The following NOTCH2NLC variants were observed in gnomAD, a reference collection of about 807,000 sequenced individuals.
NOTCH2NLC encodes notch homolog 2 N-terminal-like protein C.
In NOTCH2NLC, 4 loss-of-function variants were observed where a neutral mutation model predicts 17.7. The ratio of observed to expected loss-of-function variants is 0.23; its 90% CI spans 0.11 to 0.52. The LOEUF is 0.52. Ranked by LOEUF, NOTCH2NLC falls within the 20% of genes least tolerant of loss-of-function variation. The pLI is 0.96. For missense variants in NOTCH2NLC, 57 were observed against 207.2 expected (o/e 0.28, Z 4.45); for synonymous variants, 18 against 86.0 (o/e 0.21, Z 4.38).
chr1:149,393,069 CAAAAAAAAAAAAA>C lies in NOTCH2NLC; in HGVS notation c.135+2160_135+2172del, dbSNP rs1158506660. Among the ~76,000 whole-genome samples, 3 of 43,072 alleles carry C rather than the reference CAAAAAAAAAAAAA, an allele frequency of 7.0e-5. 1 individual carries two copies. Among genetic ancestry groups the C allele is most frequent in the Non-Finnish European group, 1.1e-4 (2 of 18,642 alleles). 28.3% of individuals were successfully genotyped at this position (43,072 alleles called of 152,430 possible). A position where few individuals can be genotyped will look rare whatever the true frequency, so the allele number is the denominator to read the frequency against. ...TGGGCGACAGAGCGAGACTCCGTCT[CAAAAAAAAAAAAA>C]AAAAAAAAAAAAGTATTAAATAATA... On this transcript the variant is annotated intron_variant, in intron 1 of 4. Coordinates refer to ENST00000650865, the MANE Select transcript of NOTCH2NLC (RefSeq NM_001364013.2).
chr1:149,396,057 A>G, intron 1 of NOTCH2NLC, among the ~76,000 whole-genome samples: 2 of 150,500 alleles, frequency 1.3e-5, no homozygotes, highest in African/African-American at 4.9e-5. Context: ...AGCATCTATG[A>G]CTCCTGCTTT....
At chr1:149,448,810 C>T (rs1174703075) in intron 2 of NOTCH2NLC, among the ~76,000 whole-genome samples, 1 of 142,550 alleles carries the variant, frequency 7.0e-6, no homozygotes, top group African/African-American at 2.6e-5. Context: ...GCAGGATAGC[C>T]TAGTGTTGAA....
chr1:149,406,210 TG>T (rs1327052378), intron 1 of NOTCH2NLC, among the ~76,000 whole-genome samples: 1 of 89,666 alleles, frequency 1.1e-5, no homozygotes, highest in Non-Finnish European at 2.5e-5. Flanking sequence ...AAGACAAGCT[TG>T]TTTTTTTCCT....
rs1255328649 is a variant in NOTCH2NLC, at chr1:149,412,139, A to C, written c.136-18803A>C. ...TCCAAAAAAAAAAAAAACAAAAAAA[A>C]AACAAAAAAAAGTGGTATTGGGCCT... On this transcript the variant is annotated intron_variant, in intron 1 of 4. Coordinates refer to ENST00000650865, the MANE Select transcript of NOTCH2NLC (RefSeq NM_001364013.2). Among the ~76,000 whole-genome samples the C allele has an allele frequency of 1.4e-3, 213 of 148,030 alleles. 3 individuals are homozygous for C. Among genetic ancestry groups the C allele is most frequent in the African/African-American group, 4.9e-3 (200 of 40,410 alleles).
intron 2 of NOTCH2NLC, among the ~76,000 whole-genome samples, chr1:149,440,131 C>T (rs1197337785): frequency 6.6e-6 from 1 of 150,466 alleles, no homozygotes; most frequent in Non-Finnish European, 1.5e-5. Context: ...TAGCATTTAG[C>T]GTATTAAATC....
intron 3 of NOTCH2NLC, among the ~76,000 whole-genome samples, chr1:149,461,548 A>G (rs1216324242): frequency 6.6e-5 from 10 of 150,950 alleles, no homozygotes; most frequent in African/African-American, 2.4e-4. Context: ...TTACCTTTCT[A>G]TGAGGTCAGA....
At position 149,454,596 on chromosome 1, in the gene NOTCH2NLC, G is replaced by A. The variant is rs1456413420; in HGVS notation, c.210-722G>A. On this transcript the variant is annotated intron_variant, in intron 2 of 4. Coordinates refer to ENST00000650865, the MANE Select transcript of NOTCH2NLC (RefSeq NM_001364013.2). ...TTATATGGTATCTTAGATATTTTAT[G>A]TTATTTAATTATATTTTGTGCCTTT... Among the ~76,000 whole-genome samples the A allele has an allele frequency of 1.6e-3, 249 of 151,082 alleles. 2 individuals are homozygous for A. Among genetic ancestry groups the A allele is most frequent in the African/African-American group, 5.9e-3 (243 of 41,240 alleles).
chr1:149,449,097 G>A (rs1415961519), intron 2 of NOTCH2NLC, among the ~76,000 whole-genome samples: 2 of 149,552 alleles, frequency 1.3e-5, no homozygotes, highest in African/African-American at 4.9e-5. Context: ...TAGCCAGGAT[G>A]GTCTCGATCT....
chr1:149,395,512 T>G (rs1398092249), intron 1 of NOTCH2NLC, among the ~76,000 whole-genome samples: 1 of 149,996 alleles, frequency 6.7e-6, no homozygotes, highest in Non-Finnish European at 1.5e-5. Context: ...ACTTTGACTT[T>G]GGAATCTCAC....
chr1:149,398,684 GTCGCT>G, intron 1 of NOTCH2NLC, among the ~76,000 whole-genome samples: 1 of 151,254 alleles, frequency 6.6e-6, no homozygotes, highest in East Asian at 2.0e-4. Flanking sequence ...AGCCAGCTAC[GTCGCT>G]CCAGCCATGG....
chr1:149,419,855 ATTTTTTT>A lies in NOTCH2NLC; in HGVS notation c.136-11067_136-11061del, dbSNP rs1166865199. ...GAAGTTCAGGAATATATATATATATATTTTTTTTTTTTTTTTTTTTTTTTTTCCTCAG... is the reference window on the plus strand; with the variant it reads ...GAAGTTCAGGAATATATATATATATATTTTTTTTTTTTTTTTTTTCCTCAG... On this transcript the variant is annotated intron_variant, in intron 1 of 4. Transcript: ENST00000650865. 8.2e-4 allele frequency among the ~76,000 whole-genome samples: 64 copies of A among 78,206 alleles called. 1 individual carries two copies. The highest frequency in any genetic ancestry group is 2.1e-3 in the South Asian group (5 of 2,336). 51.3% of individuals were successfully genotyped at this position (78,206 alleles called of 152,430 possible).
intron 1 of NOTCH2NLC, chr1:149,408,676 C>T (rs2084282679): frequency 1.0e-6 from 1 of 952,412 alleles, no homozygotes; most frequent in Non-Finnish European, 1.3e-6. Context: ...AATTAACAAA[C>T]TCACATTTTA....
chr1:149,427,421 C>G (rs2084419246), intron 1 of NOTCH2NLC, among the ~76,000 whole-genome samples: 1 of 147,780 alleles, frequency 6.8e-6, no homozygotes, highest in South Asian at 2.1e-4. Context: ...CCAATTCTAT[C>G]CATGTTGTCT....
At chr1:149,400,291 T>C (rs1402770118) in intron 1 of NOTCH2NLC, among the ~76,000 whole-genome samples, 2 of 137,728 alleles carry the variant, frequency 1.5e-5, no homozygotes, top group African/African-American at 5.3e-5. Context: ...CTCATTACAG[T>C]GATATTGAAT....
intron 1 of NOTCH2NLC, among the ~76,000 whole-genome samples, chr1:149,419,881 T>TTTTTC (rs1250543021): frequency 7.6e-5 from 9 of 118,388 alleles, no homozygotes; most frequent in East Asian, 2.4e-4. Context: ...TTTTTTTTTT[T>TTTTTC]CCTCAGGCAG....
intron 1 of NOTCH2NLC, among the ~76,000 whole-genome samples, chr1:149,392,819 C>A (rs1277860031): frequency 1.3e-5 from 2 of 150,828 alleles, no homozygotes; most frequent in African/African-American, 2.4e-5. Flanking sequence ...CGCCTGTAAT[C>A]CCAGCACTTT....
At chr1:149,462,236 C>G (rs1183685755) in intron 3 of NOTCH2NLC, among the ~76,000 whole-genome samples, 3 of 145,346 alleles carry the variant, frequency 2.1e-5, no homozygotes, top group African/African-American at 7.6e-5. Context: ...ACCAAATTTA[C>G]TAGTTCTGTG....
At position 149,390,858 on chromosome 1, in the gene NOTCH2NLC, G is replaced by A; in HGVS notation, c.71G>A (p.Arg24His). 1 of 1,430,552 alleles carries A rather than the reference G, an allele frequency of 7.0e-7. No homozygotes were observed. Among genetic ancestry groups the A allele is most frequent in the Non-Finnish European group, 9.1e-7 (1 of 1,097,114 alleles). The allele number at this position is 1,430,552 out of a possible 1,614,324, so 88.6% of individuals were successfully genotyped here. A position where few individuals can be genotyped will look rare whatever the true frequency, so the allele number is the denominator to read the frequency against. Residue 24 changes from arginine to histidine, a missense_variant, in exon 1 of 5, where the codon CGC becomes CAC. Arg to His is a conservative substitution (Grantham distance 29, BLOSUM62 0). Around this residue, in one of 7 missense-constraint regions of NOTCH2NLC, gnomAD observed 25 missense variants for 27.0 expected, o/e 0.93. Coordinates refer to ENST00000650865, the MANE Select transcript of NOTCH2NLC (RefSeq NM_001364013.2). ...GGGGGDREDA[R>H]PAPLCCGRCW... ...GGAGGCGGCGACCGAGAAGATGCCC[G>A]CCCTGCGCCGCTCTGCTGTGGGCGC...
intron 1 of NOTCH2NLC, among the ~76,000 whole-genome samples, chr1:149,413,543 C>T (rs1340263688): frequency 6.6e-5 from 10 of 151,198 alleles, no homozygotes; most frequent in African/African-American, 1.9e-4. Context: ...GTTTAATTAC[C>T]AATTATTTTG....
Sources: gnomAD v4.1 joint callset for allele counts (sites outside exome capture counted in the v4.1 genomes callset) on GRCh38, gnomAD v4.1.1 for gene constraint, gnomAD v4.1.1 regional missense constraint, MANE v1.5 for transcripts, NCBI Gene and HGNC (gene_info 2026-07-23, HGNC 2026-07-21) for gene names.